The following SORCS2 variants were observed in gnomAD, a reference collection of about 807,000 sequenced individuals.
The protein encoded by SORCS2 is sortilin related VPS10 domain containing receptor 2.
In SORCS2, 100 loss-of-function variants were observed where a neutral mutation model predicts 141.6. That is an observed-to-expected ratio of 0.71 (90% CI 0.60 to 0.83). SORCS2 has a LOEUF of 0.83. Ranked by LOEUF, SORCS2 falls within the 40% of genes least tolerant of loss-of-function variation. SORCS2 has a pLI of 0.00. For missense variants in SORCS2, 1,646 were observed against 1,560.2 expected (o/e 1.05, Z -0.93); for synonymous variants, 789 against 676.9 (o/e 1.17, Z -2.57).
intron 5 of SORCS2, among the ~76,000 whole-genome samples, chr4:7,657,607 G>A (rs796200727): frequency 2.2e-4 from 33 of 151,454 alleles, no homozygotes; most frequent in Admixed American, 5.9e-4. Context: ...GTGAGTGAGT[G>A]GGTGAGTGAG....
chr4:7,401,930 A>G (rs1724620194), intron 2 of SORCS2, among the ~76,000 whole-genome samples: 1 of 152,224 alleles, frequency 6.6e-6, no homozygotes. Context: ...ACATATCCTG[A>G]AAAGTACCTA....
chr4:7,317,070 A>G (rs1416359723), intron 1 of SORCS2, among the ~76,000 whole-genome samples: 1 of 152,198 alleles, frequency 6.6e-6, no homozygotes, highest in African/African-American at 2.4e-5. Context: ...TTGGGACACC[A>G]GAATAAAGCT....
At chr4:7,386,164 T>G (rs368949169) in intron 1 of SORCS2, among the ~76,000 whole-genome samples, 3,997 of 124,758 alleles carry the variant, frequency 0.032, 74 homozygotes, top group Middle Eastern at 0.095. Context: ...TACACAGAGA[T>G]ACACATGCGC....
chr4:7,434,205 C>CT, intron 2 of SORCS2: 1 of 1,613,814 alleles, frequency 6.2e-7, no homozygotes, highest in South Asian at 1.1e-5. Flanking sequence ...AGAGGTAGTT[C>CT]TTGCAGAGGA....
At chr4:7,281,182 G>T (rs1166811084) in intron 1 of SORCS2, among the ~76,000 whole-genome samples, 3 of 152,086 alleles carry the variant, frequency 2.0e-5, no homozygotes, top group Non-Finnish European at 2.9e-5. Flanking sequence ...GTTTTTTCTT[G>T]TCAGGCTCAC....
intron 8 of SORCS2, among the ~76,000 whole-genome samples, chr4:7,667,606 C>T (rs1199884285): frequency 6.6e-6 from 1 of 152,204 alleles, no homozygotes; most frequent in Non-Finnish European, 1.5e-5. Flanking sequence ...CCCCTCCCTC[C>T]AGTGTCCATC....
chr4:7,531,230 T>C (rs963549132), intron 2 of SORCS2, among the ~76,000 whole-genome samples: 5 of 152,192 alleles, frequency 3.3e-5, no homozygotes, highest in African/African-American at 1.2e-4. Flanking sequence ...GCCCGGCTCA[T>C]AGGAGGCATG....
intron 2 of SORCS2, among the ~76,000 whole-genome samples, chr4:7,471,006 G>A (rs964378528): frequency 6.6e-6 from 1 of 152,136 alleles, no homozygotes; most frequent in Non-Finnish European, 1.5e-5. Flanking sequence ...TCTACCAGGA[G>A]CAACAGTCTG....
intron 2 of SORCS2, chr4:7,435,114 T>C (rs1454861484): frequency 3.7e-6 from 2 of 547,086 alleles, no homozygotes; most frequent in East Asian, 3.0e-5. Context: ...CTCTTAGCAG[T>C]TTTCTGAGCC....
intron 1 of SORCS2, among the ~76,000 whole-genome samples, chr4:7,303,649 TG>T (rs1717594082): frequency 6.6e-6 from 1 of 152,214 alleles, no homozygotes; most frequent in South Asian, 2.1e-4. Context: ...TGGTGCTGAG[TG>T]TCAGGGTATC....
intron 1 of SORCS2, among the ~76,000 whole-genome samples, chr4:7,320,259 A>C (rs778589170): frequency 6.6e-6 from 1 of 152,264 alleles, no homozygotes; most frequent in African/African-American, 2.4e-5. Context: ...GCTGGGGAAC[A>C]CTACTTTTCA....
chr4:7,407,427 A>C (rs953669309), intron 2 of SORCS2, among the ~76,000 whole-genome samples: 5 of 152,090 alleles, frequency 3.3e-5, no homozygotes, highest in African/African-American at 1.2e-4. Context: ...TTATCATTAT[A>C]TAGTGACCTG....
At chr4:7,447,838 C>G (rs1024676164) in intron 2 of SORCS2, among the ~76,000 whole-genome samples, 6 of 152,188 alleles carry the variant, frequency 3.9e-5, no homozygotes, top group African/African-American at 1.2e-4. Flanking sequence ...TGGGAGCATT[C>G]TGCATGTGCG....
intron 2 of SORCS2, among the ~76,000 whole-genome samples, chr4:7,492,047 C>A (rs763748656): frequency 5.3e-5 from 8 of 152,330 alleles, no homozygotes; most frequent in South Asian, 2.1e-4. Context: ...CCTTTTCTGG[C>A]CTATCTTCTG....
At chr4:7,429,635 C>T (rs896032787) in intron 2 of SORCS2, among the ~76,000 whole-genome samples, 8 of 152,216 alleles carry the variant, frequency 5.3e-5, no homozygotes, top group African/African-American at 1.7e-4. Context: ...CGGGCCCCTC[C>T]CACAGGGCAC....
intron 1 of SORCS2, among the ~76,000 whole-genome samples, chr4:7,237,636 G>T (rs902878225): frequency 2.6e-5 from 4 of 152,084 alleles, no homozygotes; most frequent in African/African-American, 9.7e-5. Context: ...GAAAGCAGAC[G>T]GGATTCTATG....
At chr4:7,239,651 C>A (rs1297107587) in intron 1 of SORCS2, among the ~76,000 whole-genome samples, 1 of 152,202 alleles carries the variant, frequency 6.6e-6, no homozygotes, top group Non-Finnish European at 1.5e-5. Context: ...GGTCGCTGGG[C>A]GAGTCTCGCA....
chr4:7,361,662 C>T (rs1023422856), intron 1 of SORCS2, among the ~76,000 whole-genome samples: 7 of 152,108 alleles, frequency 4.6e-5, no homozygotes, highest in East Asian at 1.9e-4. Context: ...GCAGGAGACA[C>T]GCCCACAGTG....
At chr4:7,449,972 G>C (rs1160872997) in intron 2 of SORCS2, among the ~76,000 whole-genome samples, 1 of 152,208 alleles carries the variant, frequency 6.6e-6, no homozygotes, top group African/African-American at 2.4e-5. Flanking sequence ...TTGCTTTCCT[G>C]CTTACCCTCC....
Sources: gnomAD v4.1 joint callset for allele counts (sites outside exome capture counted in the v4.1 genomes callset) on GRCh38, gnomAD v4.1.1 for gene constraint, MANE v1.5 for transcripts, NCBI Gene and HGNC (gene_info 2026-07-23, HGNC 2026-07-21) for gene names.